CTNND2: variants seen among roughly 807,000 people sequenced by gnomAD.
CTNND2 encodes catenin delta-2.
In CTNND2, 22 loss-of-function variants were observed where a neutral mutation model predicts 144.4. The ratio of observed to expected loss-of-function variants is 0.15; its 90% confidence interval spans 0.11 to 0.22. The LOEUF (loss-of-function observed/expected upper bound fraction) is 0.22. Ranked by LOEUF, CTNND2 falls within the 10% of genes least tolerant of loss-of-function variation. The pLI is 1.00. For synonymous variants in CTNND2, 751 were observed against 695.6 expected, an observed-to-expected ratio of 1.08 and a Z score of -1.25; for missense variants, 1,353 against 1,618.8, an observed-to-expected ratio of 0.84 and a Z score of 2.82.
At chr5:11,072,821 T>C (rs1040106570) in intron 16 of CTNND2, among the ~76,000 whole-genome samples, 2 of 152,210 alleles carry the variant, frequency 1.3e-5, no homozygotes, top group Admixed American at 6.5e-5. Flanking sequence ...CAGGCTTCTG[T>C]CTCCTTCCTG....
At chr5:11,823,637 G>A (rs1793441393) in intron 1 of CTNND2, among the ~76,000 whole-genome samples, 1 of 151,990 alleles carries the variant, frequency 6.6e-6, no homozygotes, top group Non-Finnish European at 1.5e-5. Context: ...ATTTTATAAG[G>A]CAATGTTCTC....
intron 1 of CTNND2, among the ~76,000 whole-genome samples, chr5:11,824,087 G>A (rs1793470892): frequency 8.2e-6 from 1 of 122,206 alleles, no homozygotes; most frequent in South Asian, 2.7e-4. Context: ...TGGCAACAGA[G>A]TGTCTCAAAA....
chr5:11,768,773 G>T (rs1219099677), intron 1 of CTNND2, among the ~76,000 whole-genome samples: 1 of 152,138 alleles, frequency 6.6e-6, no homozygotes, highest in African/African-American at 2.4e-5. Context: ...TCACTGAGAG[G>T]TCCCAAGAGA....
At chr5:11,379,340 T>C (rs1452350147) in intron 7 of CTNND2, among the ~76,000 whole-genome samples, 1 of 152,192 alleles carries the variant, frequency 6.6e-6, no homozygotes, top group Non-Finnish European at 1.5e-5. Flanking sequence ...CCTCTAACTA[T>C]GCATCACGTA....
intron 2 of CTNND2, among the ~76,000 whole-genome samples, chr5:11,586,433 A>T (rs543954991): frequency 1.3e-5 from 2 of 152,364 alleles, no homozygotes; most frequent in East Asian, 3.9e-4. Flanking sequence ...AATACAAGAC[A>T]TTTCGAATGC....
At chr5:11,175,824 A>G (rs747586925) in intron 11 of CTNND2, among the ~76,000 whole-genome samples, 21 of 152,114 alleles carry the variant, frequency 1.4e-4, no homozygotes, top group Non-Finnish European at 5.9e-5. Flanking sequence ...TGCTCTCCAG[A>G]AAGATCACCC....
chr5:11,275,914 C>T (rs953074794), intron 9 of CTNND2, among the ~76,000 whole-genome samples: 1 of 152,164 alleles, frequency 6.6e-6, no homozygotes, highest in African/African-American at 2.4e-5. Context: ...TGCTGAATAC[C>T]TGATTTTAAT....
chr5:11,411,715 T>G (rs1285365715), intron 4 of CTNND2, 63 bp from the exon 5 acceptor site: 44 of 1,031,360 alleles, frequency 4.3e-5, no homozygotes, highest in Non-Finnish European at 5.3e-5. Flanking sequence ...AAGATTTAGG[T>G]TATCATTTAA....
intron 2 of CTNND2, among the ~76,000 whole-genome samples, chr5:11,728,633 G>C (rs1454348662): frequency 6.6e-6 from 1 of 152,028 alleles, no homozygotes; most frequent in Non-Finnish European, 1.5e-5. Flanking sequence ...CTAAAATCAA[G>C]AATACGGTTT....
At chr5:11,811,185 A>G (rs1280104653) in intron 1 of CTNND2, among the ~76,000 whole-genome samples, 1 of 152,190 alleles carries the variant, frequency 6.6e-6, no homozygotes, top group Non-Finnish European at 1.5e-5. Context: ...CTGCTAAGCT[A>G]AAATCTGACT....
chr5:11,375,220 ACTT>A (rs1757822110), intron 7 of CTNND2, among the ~76,000 whole-genome samples: 1 of 152,064 alleles, frequency 6.6e-6, no homozygotes, highest in Non-Finnish European at 1.5e-5. Context: ...ATTTTCTTCT[ACTT>A]CTTTGTATCT....
chr5:11,345,241 C>A (rs1326606773), intron 9 of CTNND2, among the ~76,000 whole-genome samples: 1 of 152,118 alleles, frequency 6.6e-6, no homozygotes, highest in South Asian at 2.1e-4. Context: ...GCTGTTGAGA[C>A]TGAAAATCTA....
intron 11 of CTNND2, among the ~76,000 whole-genome samples, chr5:11,162,893 A>ACACACACG (rs1470687066): frequency 1.0e-5 from 1 of 97,868 alleles, no homozygotes; most frequent in African/African-American, 4.0e-5. Context: ...CTACACACAC[A>ACACACACG]CACACACACA....
chr5:11,764,025 T>G (rs1789435002), intron 1 of CTNND2, among the ~76,000 whole-genome samples: 1 of 151,964 alleles, frequency 6.6e-6, no homozygotes, highest in African/African-American at 2.4e-5. Context: ...TAGCTGGCTG[T>G]GAGATGTGGA....
At chr5:11,270,140 T>C (rs2149974971) in intron 9 of CTNND2, among the ~76,000 whole-genome samples, 1 of 152,308 alleles carries the variant, frequency 6.6e-6, no homozygotes, top group South Asian at 2.1e-4. Flanking sequence ...CTAGAATTAG[T>C]TCCTTGTAGA....
chr5:11,599,057 C>A (rs950367918), intron 2 of CTNND2, among the ~76,000 whole-genome samples: 1 of 152,102 alleles, frequency 6.6e-6, no homozygotes, highest in East Asian at 1.9e-4. Context: ...CAGATCTCAT[C>A]AGATGTCAAG....
chr5:11,276,945 T>A (rs187320643), intron 9 of CTNND2, among the ~76,000 whole-genome samples: 1 of 152,326 alleles, frequency 6.6e-6, no homozygotes, highest in East Asian at 1.9e-4. Context: ...GCCTGCTGAT[T>A]TCTCGATTTT....
intron 10 of CTNND2, among the ~76,000 whole-genome samples, chr5:11,222,173 C>CG (rs1347656424): frequency 2.0e-5 from 3 of 151,752 alleles, no homozygotes. Context: ...GGTGGAGAGG[C>CG]GGGGGGAAGA....
At chr5:10,994,500 T>C (rs1157340442) in intron 18 of CTNND2, among the ~76,000 whole-genome samples, 1 of 144,996 alleles carries the variant, frequency 6.9e-6, no homozygotes, top group African/African-American at 2.6e-5. Context: ...GGGGTGGGTA[T>C]AGAAAAGTAG....
Sources: gnomAD v4.1 joint callset for allele counts (sites outside exome capture counted in the v4.1 genomes callset) on GRCh38, gnomAD v4.1.1 for gene constraint, MANE v1.5 for transcripts, NCBI Gene and HGNC (gene_info 2026-07-23, HGNC 2026-07-21) for gene names.